Variants in SETBP1 observed in about 807,000 individuals in gnomAD.
SETBP1 encodes the protein SET-binding protein.
A neutral mutation model predicts 101.0 loss-of-function variants in SETBP1; 9 were observed. That is an observed-to-expected ratio of 0.09 (90% confidence interval 0.05 to 0.16). The LOEUF is 0.16. Ranked by LOEUF, SETBP1 falls within the 10% of genes least tolerant of loss-of-function variation. SETBP1 has a pLI of 1.00. For missense variants in SETBP1, 1,858 were observed against 2,033.8 expected (o/e 0.91, Z 1.66); for synonymous variants, 818 against 788.5 (o/e 1.04, Z -0.63).
intron 5 of SETBP1, among the ~76,000 whole-genome samples, chr18:45,052,975 T>A (rs1196436041): frequency 6.6e-6 from 1 of 152,180 alleles, no homozygotes; most frequent in Non-Finnish European, 1.5e-5. Context: ...TTAATAAAAT[T>A]AAACTTTGCA....
intron 4 of SETBP1, among the ~76,000 whole-genome samples, chr18:45,027,581 T>C (rs549966319): frequency 9.8e-5 from 15 of 152,330 alleles, no homozygotes; most frequent in African/African-American, 3.6e-4. Context: ...TAAAATCTTG[T>C]AGGGGACGCA....
intron 2 of SETBP1, among the ~76,000 whole-genome samples, chr18:44,843,604 A>C (rs1021905521): frequency 6.6e-6 from 1 of 152,016 alleles, no homozygotes; most frequent in Non-Finnish European, 1.5e-5. Flanking sequence ...GGCCAGCCGC[A>C]GTCCTCAGGG....
At chr18:44,753,892 C>G (rs2070439456) in intron 2 of SETBP1, among the ~76,000 whole-genome samples, 1 of 152,184 alleles carries the variant, frequency 6.6e-6, no homozygotes, top group South Asian at 2.1e-4. Flanking sequence ...ATAGTTGAAG[C>G]CATCTCACCT....
chr18:45,004,232 G>A, intron 4 of SETBP1, among the ~76,000 whole-genome samples: 1 of 152,338 alleles, frequency 6.6e-6, no homozygotes, highest in East Asian at 1.9e-4. Flanking sequence ...GCATGACTTA[G>A]TATGGGGACC....
intron 2 of SETBP1, among the ~76,000 whole-genome samples, chr18:44,868,631 G>A (rs1437374779): frequency 1.3e-5 from 2 of 150,406 alleles, no homozygotes; most frequent in Non-Finnish European, 3.0e-5. Context: ...GGAGACGGAG[G>A]TTGTGGTTAG....
At position 44,953,008 on chromosome 18, in the gene SETBP1, A is replaced by C; in HGVS notation, c.3668A>C (p.Lys1223Thr). ...AGCGAAGCCGGCCACAAAGCTTCTAAGAACAACTTTGAGGTGGACACCCTG... is the reference window on the plus strand; with the variant it reads ...AGCGAAGCCGGCCACAAAGCTTCTACGAACAACTTTGAGGTGGACACCCTG... ...QHSEAGHKAS[K>T]NNFEVDTLST... is the part of the protein sequence containing the mutation. The change falls in exon 4 of 6, where the codon AAG (lysine) becomes ACG (threonine). Residue 1223 changes from lysine (K) to threonine (T), a missense_variant. Coordinates refer to ENST00000649279, the MANE Select transcript of SETBP1 (RefSeq NM_015559.3). 2.5e-6 allele frequency: 4 copies of C among 1,614,180 alleles called. No homozygotes were observed. The highest frequency in any genetic ancestry group is 3.4e-6 in the Non-Finnish European group (4 of 1,180,020).
chr18:44,733,896 A>G (rs2069898010), intron 2 of SETBP1, among the ~76,000 whole-genome samples: 1 of 152,150 alleles, frequency 6.6e-6, no homozygotes, highest in South Asian at 2.1e-4. Flanking sequence ...TGATCAGCCT[A>G]TGAATGATTT....
chr18:44,937,529 G>A (rs1179212019), intron 3 of SETBP1, among the ~76,000 whole-genome samples: 1 of 151,938 alleles, frequency 6.6e-6, no homozygotes, highest in African/African-American at 2.4e-5. Context: ...TAAGAGGTCA[G>A]GTGACGTGTC....
At chr18:44,710,097 A>G (rs565531872) in intron 2 of SETBP1, among the ~76,000 whole-genome samples, 2 of 152,262 alleles carry the variant, frequency 1.3e-5, no homozygotes, top group South Asian at 2.1e-4. Context: ...CTACATTGCT[A>G]GTTGACCCGC....
chr18:45,039,911 T>G (rs12969289), intron 5 of SETBP1, among the ~76,000 whole-genome samples: 119,585 of 152,074 alleles, frequency 0.79, 47,409 homozygotes, highest in Middle Eastern at 0.85. Flanking sequence ...ACTAGTAGGT[T>G]TTTTGTGATA....
intron 2 of SETBP1, among the ~76,000 whole-genome samples, chr18:44,801,399 CAG>C (rs1166322662): frequency 6.6e-6 from 1 of 152,154 alleles, no homozygotes; most frequent in Non-Finnish European, 1.5e-5. Context: ...GGGCATTAGA[CAG>C]AGAATGAGAC....
At chr18:44,696,669 A>G (rs1195696608) in intron 1 of SETBP1, among the ~76,000 whole-genome samples, 2 of 152,200 alleles carry the variant, frequency 1.3e-5, no homozygotes, top group Admixed American at 6.5e-5. Flanking sequence ...CCATAGGTCT[A>G]TGGCTCTGCA....
chr18:44,932,984 C>T (rs116225578), intron 3 of SETBP1, among the ~76,000 whole-genome samples: 5,468 of 152,280 alleles, frequency 0.036, 302 homozygotes, highest in African/African-American at 0.12. Flanking sequence ...GGCTTTGTTC[C>T]GTTGCTCACA....
At chr18:45,016,390 G>A (rs1389632073) in intron 4 of SETBP1, among the ~76,000 whole-genome samples, 1 of 152,078 alleles carries the variant, frequency 6.6e-6, no homozygotes, top group Non-Finnish European at 1.5e-5. Context: ...CCAGCCCATA[G>A]AGAAAGTGGT....
chr18:44,943,977 G>C (rs1421048895), intron 3 of SETBP1, among the ~76,000 whole-genome samples: 1 of 151,924 alleles, frequency 6.6e-6, no homozygotes, highest in African/African-American at 2.4e-5. Flanking sequence ...TGGGATTACA[G>C]GTGCACGCCA....
intron 3 of SETBP1, among the ~76,000 whole-genome samples, chr18:44,893,554 A>G (rs569262721): frequency 7.5e-4 from 114 of 152,274 alleles, no homozygotes; most frequent in African/African-American, 2.6e-3. Flanking sequence ...TGATAGATCA[A>G]TGTTCTCTCC....
intron 2 of SETBP1, among the ~76,000 whole-genome samples, chr18:44,723,623 C>T (rs946294835): frequency 6.6e-6 from 1 of 152,220 alleles, no homozygotes; most frequent in Admixed American, 6.5e-5. Flanking sequence ...CAACTATTTG[C>T]TTGGCCCATC....
chr18:44,758,618 G>A (rs1375543114), intron 2 of SETBP1, among the ~76,000 whole-genome samples: 5 of 152,258 alleles, frequency 3.3e-5, no homozygotes, highest in Admixed American at 2.0e-4. Flanking sequence ...TCCTGACCTC[G>A]TGATCCACCT....
At chr18:44,889,588 T>A (rs180796424) in intron 3 of SETBP1, among the ~76,000 whole-genome samples, 1 of 152,288 alleles carries the variant, frequency 6.6e-6, no homozygotes, top group Non-Finnish European at 1.5e-5. Context: ...TGAGTTGCAC[T>A]GACTCTCCAC....
Sources: gnomAD v4.1 joint callset for allele counts (sites outside exome capture counted in the v4.1 genomes callset) on GRCh38, gnomAD v4.1.1 for gene constraint, MANE v1.5 for transcripts, NCBI Gene and HGNC (gene_info 2026-07-23, HGNC 2026-07-21) for gene names.